Variants in PLCB1 observed in about 807,000 individuals in gnomAD.
PLCB1 encodes phospholipase C beta 1.
PLCB1 carries 46 observed loss-of-function variants against 161.8 expected under a neutral mutation model. That is an observed-to-expected ratio of 0.28 (90% confidence interval 0.22 to 0.36). PLCB1 has a LOEUF of 0.36. Ranked by LOEUF, PLCB1 falls within the 10% of genes least tolerant of loss-of-function variation. The probability of loss-of-function intolerance (pLI) is 1.00; values close to 1 mark genes in which losing one functional copy is unlikely to be tolerated. For missense variants in PLCB1, 1,016 were observed against 1,472.5 expected (o/e 0.69, Z 5.07); for synonymous variants, 517 against 503.7 (o/e 1.03, Z -0.35).
At chr20:8,510,033 A>G (rs960264524) in intron 3 of PLCB1, among the ~76,000 whole-genome samples, 2 of 152,216 alleles carry the variant, frequency 1.3e-5, no homozygotes, top group Non-Finnish European at 2.9e-5. Context: ...ATTATAATTT[A>G]TGACCAACAG....
At position 8,744,143 on chromosome 20, in the gene PLCB1, G is replaced by A. The variant is rs1303975565; in HGVS notation, c.2523+2570G>A. On this transcript the variant is annotated intron_variant, in intron 23 of 31. Coordinates refer to ENST00000338037, the MANE Select transcript of PLCB1 (RefSeq NM_015192.4). The stretch of plus-strand genomic sequence containing the variant: ...ACACACCTATATGACAAACCCTCAT[G>A]TGTACCCCTGAACCTAAAATAAAAG... Among the ~76,000 whole-genome samples the A allele has an allele frequency of 4.0e-5, 6 of 151,872 alleles. No individual in the cohort carries two copies. In the East Asian group the frequency reaches 1.2e-3, roughly 29 times the overall value.
intron 3 of PLCB1, among the ~76,000 whole-genome samples, chr20:8,561,553 G>A (rs1986141829): frequency 6.6e-6 from 1 of 151,954 alleles, no homozygotes; most frequent in South Asian, 2.1e-4. Flanking sequence ...TTGATACATT[G>A]CATTGAAAGA....
At chr20:8,762,280 TC>T (rs1271156722) in intron 25 of PLCB1, among the ~76,000 whole-genome samples, 8 of 152,252 alleles carry the variant, frequency 5.3e-5, no homozygotes, top group Non-Finnish European at 8.8e-5. Flanking sequence ...ACAGCAGTGT[TC>T]CTAGAATGTT....
At chr20:8,334,308 G>C (rs1392007249) in intron 2 of PLCB1, among the ~76,000 whole-genome samples, 1 of 152,168 alleles carries the variant, frequency 6.6e-6, no homozygotes, top group Non-Finnish European at 1.5e-5. Flanking sequence ...GCCCCTGCAA[G>C]CTTCACTTCC....
At chr20:8,501,492 AG>A (rs1271410290) in intron 3 of PLCB1, among the ~76,000 whole-genome samples, 1 of 152,172 alleles carries the variant, frequency 6.6e-6, no homozygotes, top group African/African-American at 2.4e-5. Context: ...CCTTCCCATG[AG>A]GGCTTGCTCA....
At chr20:8,418,488 C>T (rs151231491) in intron 3 of PLCB1, among the ~76,000 whole-genome samples, 1,771 of 152,106 alleles carry the variant, frequency 0.012, 35 homozygotes, top group African/African-American at 0.041. Context: ...TTTATTTTAT[C>T]GAAATTTGTT....
chr20:8,711,603 G>A (rs1433234833), intron 12 of PLCB1, among the ~76,000 whole-genome samples: 1 of 152,180 alleles, frequency 6.6e-6, no homozygotes, highest in African/African-American at 2.4e-5. Flanking sequence ...AAATTCTATT[G>A]TGGAGGAAGT....
intron 3 of PLCB1, among the ~76,000 whole-genome samples, chr20:8,445,877 T>C (rs2122630060): frequency 6.6e-6 from 1 of 152,306 alleles, no homozygotes; most frequent in East Asian, 1.9e-4. Flanking sequence ...AGAATGCTTG[T>C]GATTTTTGCA....
At chr20:8,840,733 G>C (rs138726516) in intron 31 of PLCB1, among the ~76,000 whole-genome samples, 1,887 of 152,162 alleles carry the variant, frequency 0.012, 25 homozygotes, top group Middle Eastern at 0.034. Context: ...CTTTAAGACC[G>C]AATCTCATCA....
At chr20:8,474,594 T>C (rs984588323) in intron 3 of PLCB1, among the ~76,000 whole-genome samples, 1 of 152,056 alleles carries the variant, frequency 6.6e-6, no homozygotes, top group Admixed American at 6.6e-5. Context: ...CTGTAGGCCC[T>C]CATAAGGGAC....
At chr20:8,521,618 C>T (rs1202378906) in intron 3 of PLCB1, among the ~76,000 whole-genome samples, 3 of 152,062 alleles carry the variant, frequency 2.0e-5, no homozygotes, top group Non-Finnish European at 2.9e-5. Flanking sequence ...GTGGGAGAAT[C>T]ACTTAAGCTC....
chr20:8,831,724 G>A (rs1985990113), intron 31 of PLCB1, among the ~76,000 whole-genome samples: 1 of 152,070 alleles, frequency 6.6e-6, no homozygotes, highest in Non-Finnish European at 1.5e-5. Context: ...GAAACTCCTG[G>A]GCTCAAGCGA....
Position 8,336,301 on chromosome 20 carries a change from C to T in PLCB1, c.178-35081C>T, listed in dbSNP as rs76532847. ...ATATACGTACATGTTTTTAATTATG[C>T]GTATATATTTAAGAATAGTTTTACA... is the stretch of plus-strand genomic sequence containing the variant. On this transcript the variant is annotated intron_variant, in intron 2 of 31. Transcript: ENST00000338037. Among the ~76,000 whole-genome samples, 316 of 152,176 alleles carry T rather than the reference C, an allele frequency of 2.1e-3. 3 individuals are homozygous for T. Among genetic ancestry groups the T allele is most frequent in the East Asian group, 0.016 (82 of 5,180 alleles).
intron 1 of PLCB1, among the ~76,000 whole-genome samples, chr20:8,140,876 G>T (rs181299954): frequency 6.6e-6 from 1 of 151,550 alleles, no homozygotes; most frequent in African/African-American, 2.4e-5. Context: ...TCGGCTCACC[G>T]CAACCTCTGC....
At chr20:8,136,456 C>G (rs1366994256) in intron 1 of PLCB1, among the ~76,000 whole-genome samples, 1 of 152,094 alleles carries the variant, frequency 6.6e-6, no homozygotes, top group Non-Finnish European at 1.5e-5. Context: ...GAAACCCCCT[C>G]TCTACTAAAA....
intron 2 of PLCB1, among the ~76,000 whole-genome samples, chr20:8,220,149 G>C (rs951400205): frequency 3.9e-5 from 6 of 152,152 alleles, no homozygotes; most frequent in Non-Finnish European, 7.4e-5. Context: ...TTTGAGAAAT[G>C]ACTTAAAATC....
intron 2 of PLCB1, among the ~76,000 whole-genome samples, chr20:8,232,346 G>T (rs926280044): frequency 2.6e-5 from 4 of 152,118 alleles, no homozygotes; most frequent in African/African-American, 9.7e-5. Context: ...GATAAAGATA[G>T]AATTTTGAAG....
intron 3 of PLCB1, among the ~76,000 whole-genome samples, chr20:8,576,022 CAATT>C (rs1199208695): frequency 6.6e-6 from 1 of 152,102 alleles, no homozygotes; most frequent in Non-Finnish European, 1.5e-5. Flanking sequence ...TAAAATATCT[CAATT>C]AAAATCATAC....
rs113992268 is a variant in PLCB1, at chr20:8,404,229, A to T, written c.246+32779A>T. Among the ~76,000 whole-genome samples the T allele has an allele frequency of 1.1e-4, 16 of 152,294 alleles. 1 individual carries two copies. Among genetic ancestry groups the T allele is most frequent in the African/African-American group, 3.6e-4 (15 of 41,562 alleles). ...CTCTGTTCTAAGAGTTAACTGACCT[A>T]TGTTTTTGTTTCAGGGTTTTGGCTA... On this transcript the variant is annotated intron_variant, in intron 3 of 31. Coordinates refer to ENST00000338037, the MANE Select transcript of PLCB1 (RefSeq NM_015192.4).
Sources: allele counts gnomAD v4.1 joint callset (sites outside exome capture counted in the v4.1 genomes callset), GRCh38; gene constraint gnomAD v4.1.1; transcripts MANE v1.5; gene names NCBI Gene and HGNC (gene_info 2026-07-23, HGNC 2026-07-21).